SPTBN1: variants seen among roughly 807,000 people sequenced by gnomAD.
The protein encoded by SPTBN1 is spectrin beta, non-erythrocytic 1.
In SPTBN1, 32 loss-of-function variants were observed where a neutral mutation model predicts 266.4. The observed-to-expected ratio is 0.12, with a 90% CI of 0.09 to 0.16. SPTBN1 has a LOEUF of 0.16. Among genes scored for constraint, SPTBN1 ranks in the 10% least tolerant of loss-of-function variants. The pLI is 1.00. For synonymous variants in SPTBN1, 1,336 were observed against 1,162.2 expected (o/e 1.15, Z -3.04); for missense variants, 2,296 against 3,067.1 (o/e 0.75, Z 5.94).
intron 1 of SPTBN1, among the ~76,000 whole-genome samples, chr2:54,503,886 G>T (rs1669409588): frequency 6.6e-6 from 1 of 152,148 alleles, no homozygotes. Context: ...TATGGAAGAT[G>T]TTAAGGATAT....
chr2:54,659,748 T>C (rs1468749358), intron 31 of SPTBN1, among the ~76,000 whole-genome samples, 188 bp from the exon 32 acceptor site: 1 of 152,210 alleles, frequency 6.6e-6, no homozygotes, highest in Non-Finnish European at 1.5e-5. Flanking sequence ...AGGGCATTCC[T>C]GTAGTCGTAT....
At chr2:54,647,053 G>C (rs1679971316) in intron 23 of SPTBN1, 78 bp from the exon 24 acceptor site, 1 of 1,604,076 alleles carries the variant, frequency 6.2e-7, no homozygotes, top group Non-Finnish European at 8.5e-7. Flanking sequence ...CTACCCTGCT[G>C]AGCAGCTGGT....
intron 1 of SPTBN1, among the ~76,000 whole-genome samples, chr2:54,504,797 TATA>T (rs1669467997): frequency 6.6e-6 from 1 of 152,168 alleles, no homozygotes; most frequent in African/African-American, 2.4e-5. Flanking sequence ...CTTAGTACCT[TATA>T]ATATTTTAAA....
intron 1 of SPTBN1, among the ~76,000 whole-genome samples, chr2:54,468,901 G>A (rs1368045781): frequency 2.6e-5 from 4 of 152,120 alleles, no homozygotes; most frequent in African/African-American, 7.2e-5. Flanking sequence ...ATAATGTGTC[G>A]CAGTGGAATG....
intron 23 of SPTBN1, 123 bp from the exon 24 acceptor site, chr2:54,647,008 A>C: frequency 7.1e-7 from 1 of 1,412,544 alleles, no homozygotes; most frequent in Middle Eastern, 2.1e-4. Context: ...TCCGTACTGC[A>C]CCTCTGGAGT....
intron 24 of SPTBN1, among the ~76,000 whole-genome samples, chr2:54,647,504 C>T (rs531137726): frequency 1.7e-4 from 26 of 152,258 alleles, no homozygotes; most frequent in Non-Finnish European, 1.8e-4. Context: ...CAAGGCTCTC[C>T]TGAAAGAATA....
intron 2 of SPTBN1, 85 bp downstream of exon 2, chr2:54,526,651 C>G: frequency 2.8e-6 from 4 of 1,447,112 alleles, no homozygotes; most frequent in Admixed American, 2.3e-5. Context: ...TCCCATGACG[C>G]TGTCATGTTC....
At chr2:54,610,187 A>T (rs992879661) in intron 3 of SPTBN1, among the ~76,000 whole-genome samples, 1 of 151,042 alleles carries the variant, frequency 6.6e-6, no homozygotes, top group Non-Finnish European at 1.5e-5. Flanking sequence ...CCTCTTTCCG[A>T]AATTATCAGA....
intron 32 of SPTBN1, chr2:54,662,793 G>A (rs976558338): frequency 6.6e-6 from 1 of 152,202 alleles, no homozygotes; most frequent in African/African-American, 2.4e-5. Context: ...AGTGAAAAGA[G>A]AGAGAATGGT....
chr2:54,485,169 CCTCCGTCTCCCT>C (rs940917011), intron 1 of SPTBN1, among the ~76,000 whole-genome samples: 6 of 151,758 alleles, frequency 4.0e-5, no homozygotes, highest in South Asian at 4.2e-4. Context: ...TCTCCCTCTC[CCTCCGTCTCCCT>C]CTCCGTCTCC....
rs1346571968 is a variant in SPTBN1 at position 54,653,713 on chromosome 2, G to C, written c.5682G>C (p.Lys1894Asn). The C allele has an allele frequency of 6.2e-7, 1 of 1,614,124 alleles. No homozygotes were observed. Among genetic ancestry groups the C allele is most frequent in the Non-Finnish European group, 8.5e-7 (1 of 1,180,036 alleles). ...AGAACGAGGTCCTGGAAGCCTGGAA[G>C]TCCCTCCTGGACGCCTGTGAGAGCC... The part of the protein sequence containing the change: ...KRENEVLEAW[K>N]SLLDACESRR... Residue 1894 changes from lysine (K) to asparagine (N), a missense_variant, in exon 27 of 36, where the codon AAG (lysine) becomes AAC (asparagine). By Grantham distance (94) the Lys-to-Asn change is moderately conservative (BLOSUM62 0). Coordinates refer to ENST00000356805, the MANE Select transcript of SPTBN1 (RefSeq NM_003128.3). The surrounding 1 kb of genome is among the most constrained non-coding windows in gnomAD (Gnocchi z 5.1).
chr2:54,552,059 C>G (rs185124951), intron 2 of SPTBN1, among the ~76,000 whole-genome samples: 1 of 152,232 alleles, frequency 6.6e-6, no homozygotes, highest in East Asian at 1.9e-4. Context: ...CAGTACATCC[C>G]AGAGGGAGGA....
At chr2:54,614,698 G>A (rs1319799605) in intron 4 of SPTBN1, among the ~76,000 whole-genome samples, 1 of 151,848 alleles carries the variant, frequency 6.6e-6, no homozygotes, top group African/African-American at 2.4e-5. Context: ...AGTTACTTGA[G>A]AAGCTGAGGC....
At chr2:54,619,032 AT>A (rs1164060923) in intron 7 of SPTBN1, among the ~76,000 whole-genome samples, 1 of 152,198 alleles carries the variant, frequency 6.6e-6, no homozygotes, top group Non-Finnish European at 1.5e-5. Flanking sequence ...AAATATCTGG[AT>A]TTGTTTGAAG....
At chr2:54,561,261 C>T (rs1673278431) in intron 2 of SPTBN1, among the ~76,000 whole-genome samples, 1 of 152,210 alleles carries the variant, frequency 6.6e-6, no homozygotes, top group African/African-American at 2.4e-5. Flanking sequence ...CCTCCCACCT[C>T]AGCCTCCCAA....
At chr2:54,652,131 AT>A (rs1466115744) in intron 26 of SPTBN1, among the ~76,000 whole-genome samples, 7 of 152,126 alleles carry the variant, frequency 4.6e-5, no homozygotes, top group South Asian at 2.1e-4. Context: ...GTACGTGATG[AT>A]TGTGTGTCCA....
chr2:54,571,578 C>CAT (rs1349744855), intron 2 of SPTBN1, among the ~76,000 whole-genome samples: 4 of 70,084 alleles, frequency 5.7e-5, no homozygotes, highest in Admixed American at 3.5e-4. Flanking sequence ...CACACACATA[C>CAT]ACACACACAC....
chr2:54,499,619 T>G (rs897700361), intron 1 of SPTBN1, among the ~76,000 whole-genome samples: 4 of 152,214 alleles, frequency 2.6e-5, no homozygotes, highest in Non-Finnish European at 4.4e-5. Context: ...CGTTTCACAG[T>G]TAAGTCTCTA....
At chr2:54,640,980 A>G (rs1396866772) in intron 18 of SPTBN1, among the ~76,000 whole-genome samples, 1 of 152,242 alleles carries the variant, frequency 6.6e-6, no homozygotes, top group Non-Finnish European at 1.5e-5. Context: ...CCAGGAAGGC[A>G]GTATATCTAC....
Sources: allele counts gnomAD v4.1 joint callset (sites outside exome capture counted in the v4.1 genomes callset), GRCh38; gene constraint gnomAD v4.1.1; non-coding constraint Gnocchi (gnomAD v3.1); transcripts MANE v1.5; gene names NCBI Gene and HGNC (gene_info 2026-07-23, HGNC 2026-07-21).